Variants in ASIC2 observed in about 807,000 individuals in gnomAD.
ASIC2 encodes the protein acid sensing ion channel subunit 2.
ASIC2 carries 25 observed loss-of-function variants against 57.3 expected under a neutral mutation model. The observed-to-expected ratio is 0.44, with a 90% CI of 0.32 to 0.61. The LOEUF (loss-of-function observed/expected upper bound fraction) is 0.61. Ranked by LOEUF, ASIC2 falls within the 20% of genes least tolerant of loss-of-function variation. The pLI, the probability that ASIC2 is intolerant of heterozygous loss-of-function variation, is 0.06. For synonymous variants in ASIC2, 319 were observed against 307.5 expected, an observed-to-expected ratio of 1.04 and a Z score of -0.39; for missense variants, 641 against 738.1, an observed-to-expected ratio of 0.87 and a Z score of 1.52.
chr17:33,921,210 C>T (rs1309903329), intron 1 of ASIC2, among the ~76,000 whole-genome samples: 1 of 152,158 alleles, frequency 6.6e-6, no homozygotes, highest in Non-Finnish European at 1.5e-5. Context: ...TCTTCACTTA[C>T]TAGCTGTATG....
intron 1 of ASIC2, among the ~76,000 whole-genome samples, chr17:33,336,882 C>A (rs1192037948): frequency 6.6e-6 from 1 of 152,144 alleles, no homozygotes. Flanking sequence ...TGTCAATGCG[C>A]TCGTGGCAGA....
Position 33,925,529 on chromosome 17 carries a change from G to A in ASIC2, c.555+230449C>T, listed in dbSNP as rs1597932676. Among the ~76,000 whole-genome samples, 5 of 152,324 alleles carry A rather than the reference G, an allele frequency of 3.3e-5. No homozygotes were observed. The East Asian group carries it at 9.6e-4, about 29-fold the overall frequency. ...CAATAGCTCTCTTCTCCCGATAACTGTGGCCATGTGGCCTCGTCTGCTGCC... is the reference window on the plus strand; with the variant it reads ...CAATAGCTCTCTTCTCCCGATAACTATGGCCATGTGGCCTCGTCTGCTGCC... On this transcript the variant is annotated intron_variant, in intron 1 of 9. Transcript: ENST00000359872.
intron 1 of ASIC2, among the ~76,000 whole-genome samples, chr17:33,143,158 T>A (rs1193432188): frequency 1.3e-5 from 2 of 152,190 alleles, no homozygotes; most frequent in African/African-American, 4.8e-5. Context: ...TGTAGGTAGG[T>A]TGCTTAGACC....
At chr17:33,167,390 T>C in intron 1 of ASIC2, among the ~76,000 whole-genome samples, 1 of 152,212 alleles carries the variant, frequency 6.6e-6, no homozygotes, top group Admixed American at 6.5e-5. Context: ...GTTCTGCTTC[T>C]AGCTTCTTAG....
intron 1 of ASIC2, among the ~76,000 whole-genome samples, chr17:34,132,393 G>A (rs549014928): frequency 1.6e-3 from 249 of 152,270 alleles, no homozygotes; most frequent in Middle Eastern, 3.4e-3. Context: ...GCGGCTGCTG[G>A]CTGGGGATGG....
intron 1 of ASIC2, among the ~76,000 whole-genome samples, chr17:33,141,227 T>C (rs1197852451): frequency 6.6e-6 from 1 of 152,216 alleles, no homozygotes; most frequent in Non-Finnish European, 1.5e-5. Context: ...GCTTGTGATC[T>C]TTGTCCCAGA....
chr17:34,087,848 T>C (rs1223107359), intron 1 of ASIC2, among the ~76,000 whole-genome samples: 1 of 152,248 alleles, frequency 6.6e-6, no homozygotes, highest in Non-Finnish European at 1.5e-5. Context: ...CTGAGGCTTC[T>C]GCATTCTTCA....
chr17:33,802,278 A>G (rs1448619958), intron 1 of ASIC2, among the ~76,000 whole-genome samples: 2 of 152,236 alleles, frequency 1.3e-5, no homozygotes, highest in Non-Finnish European at 2.9e-5. Flanking sequence ...GCCTAGAAAC[A>G]TAGGCTGTCC....
intron 1 of ASIC2, among the ~76,000 whole-genome samples, chr17:33,796,882 T>C (rs1167498100): frequency 1.3e-5 from 2 of 152,240 alleles, no homozygotes; most frequent in Non-Finnish European, 2.9e-5. Flanking sequence ...ATTTAATCTA[T>C]TGAGTCTCAG....
At chr17:33,323,408 G>A (rs533256423) in intron 1 of ASIC2, among the ~76,000 whole-genome samples, 2 of 152,220 alleles carry the variant, frequency 1.3e-5, no homozygotes, top group African/African-American at 4.8e-5. Context: ...CAAATCTAAG[G>A]TTGAGTGAAA....
chr17:33,134,886 G>T (rs2092361862), intron 1 of ASIC2, among the ~76,000 whole-genome samples: 1 of 152,220 alleles, frequency 6.6e-6, no homozygotes, highest in South Asian at 2.1e-4. Flanking sequence ...TCTGTGGCTG[G>T]CTTCCTTCAG....
intron 1 of ASIC2, among the ~76,000 whole-genome samples, chr17:33,818,916 C>T (rs1290731827): frequency 6.6e-6 from 1 of 152,194 alleles, no homozygotes; most frequent in Non-Finnish European, 1.5e-5. Context: ...CCCCATCTTG[C>T]TCAAGGGAGT....
chr17:33,435,516 C>G (rs991301325), intron 1 of ASIC2, among the ~76,000 whole-genome samples: 1 of 151,994 alleles, frequency 6.6e-6, no homozygotes, highest in Non-Finnish European at 1.5e-5. Context: ...TCATAATTAC[C>G]CAGGCCCTCC....
intron 1 of ASIC2, among the ~76,000 whole-genome samples, chr17:33,422,248 T>C (rs1911070467): frequency 6.6e-6 from 1 of 152,230 alleles, no homozygotes; most frequent in Non-Finnish European, 1.5e-5. Context: ...AGGAAACTTC[T>C]ATCTTGGCTC....
chr17:33,117,185 T>TTTA (rs1219086246), intron 1 of ASIC2, among the ~76,000 whole-genome samples: 1 of 151,386 alleles, frequency 6.6e-6, no homozygotes, highest in Non-Finnish European at 1.5e-5. Context: ...CTTCTTCTTT[T>TTTA]TTTTTGAGAC....
At chr17:34,117,081 GGTTACT>G (rs555950101) in intron 1 of ASIC2, among the ~76,000 whole-genome samples, 255 of 152,250 alleles carry the variant, frequency 1.7e-3, no homozygotes, top group African/African-American at 6.0e-3. Context: ...CACACACACA[GGTTACT>G]GTCAGACTCC....
At chr17:33,528,597 G>A (rs1311911531) in intron 1 of ASIC2, among the ~76,000 whole-genome samples, 2 of 152,138 alleles carry the variant, frequency 1.3e-5, no homozygotes, top group Non-Finnish European at 2.9e-5. Context: ...GGAGAATAAT[G>A]CTTGGGTAAA....
intron 1 of ASIC2, among the ~76,000 whole-genome samples, chr17:33,459,365 A>T (rs1912559911): frequency 6.6e-6 from 1 of 152,194 alleles, no homozygotes; most frequent in South Asian, 2.1e-4. Flanking sequence ...CGCGTGCAGG[A>T]TCAATGTATC....
intron 1 of ASIC2, among the ~76,000 whole-genome samples, chr17:33,718,445 C>T (rs527609470): frequency 6.6e-6 from 1 of 151,978 alleles, no homozygotes; most frequent in African/African-American, 2.4e-5. Flanking sequence ...GGCTCTCCCT[C>T]ATCTGCCAGG....
Sources: gnomAD v4.1 joint callset for allele counts (sites outside exome capture counted in the v4.1 genomes callset) on GRCh38, gnomAD v4.1.1 for gene constraint, MANE v1.5 for transcripts, NCBI Gene and HGNC (gene_info 2026-07-23, HGNC 2026-07-21) for gene names.